INPP4B: variants seen among roughly 807,000 people sequenced by gnomAD.
INPP4B encodes inositol polyphosphate-4-phosphatase type II B.
A neutral mutation model predicts 122.5 loss-of-function variants in INPP4B; 55 were observed. The observed-to-expected ratio is 0.45, with a 90% CI of 0.36 to 0.56. The LOEUF is 0.56. INPP4B is among the 20% of genes least tolerant of loss of function. The pLI is 0.00. For synonymous variants in INPP4B, 403 were observed against 388.7 expected, an observed-to-expected ratio of 1.04 and a Z score of -0.43; for missense variants, 1,000 against 1,097.7, an observed-to-expected ratio of 0.91 and a Z score of 1.26.
intron 5 of INPP4B, chr4:142,423,945 G>A: frequency 3.1e-6 from 1 of 326,704 alleles, no homozygotes; most frequent in Non-Finnish European, 5.9e-6. Flanking sequence ...AGAAATACAA[G>A]ATGGCGGGCC....
intron 2 of INPP4B, among the ~76,000 whole-genome samples, chr4:142,719,652 A>AT (rs1764253790): frequency 1.3e-5 from 2 of 152,244 alleles, no homozygotes; most frequent in South Asian, 4.1e-4. Context: ...TTCTGAAAAA[A>AT]ATGAGATACT....
intron 7 of INPP4B, among the ~76,000 whole-genome samples, chr4:142,346,350 T>A (rs1475907745): frequency 1.3e-5 from 2 of 151,988 alleles, no homozygotes; most frequent in Admixed American, 6.6e-5. Flanking sequence ...TATCACTGCA[T>A]AGTTTAAGGA....
At chr4:142,706,462 C>A (rs1383556961) in intron 2 of INPP4B, among the ~76,000 whole-genome samples, 1 of 152,190 alleles carries the variant, frequency 6.6e-6, no homozygotes. Flanking sequence ...AAAGGAGCAT[C>A]CTGTCCTTTG....
rs537799317 is a variant in INPP4B at position 142,708,630 on chromosome 4, G to A, written c.-191+17209C>T. Among the ~76,000 whole-genome samples, 10 of 152,314 alleles carry A rather than the reference G, an allele frequency of 6.6e-5. No individual in the cohort carries two copies. The South Asian group carries it at 8.3e-4, about 13-fold the overall frequency. Reference sequence around the variant, plus strand: ...TGGCTTCCACATGGTGTTAAGCCACGTGCACAGAGGGCAAGAGTTGAGGCT... The same window carrying A: ...TGGCTTCCACATGGTGTTAAGCCACATGCACAGAGGGCAAGAGTTGAGGCT... On this transcript the variant is annotated intron_variant, in intron 2 of 25. Coordinates refer to ENST00000262992, the MANE Select transcript of INPP4B (RefSeq NM_001101669.3).
intron 1 of INPP4B, among the ~76,000 whole-genome samples, chr4:142,746,839 A>T (rs936028333): frequency 6.6e-6 from 1 of 152,194 alleles, no homozygotes; most frequent in African/African-American, 2.4e-5. Flanking sequence ...CTGAAACTGG[A>T]TCCCTTCCTT....
At chr4:142,176,576 T>C (rs1196070009) in intron 15 of INPP4B, among the ~76,000 whole-genome samples, 1 of 152,202 alleles carries the variant, frequency 6.6e-6, no homozygotes. Flanking sequence ...ATTTCTAATA[T>C]TTATTCTGCA....
chr4:142,283,091 G>A (rs549123845), intron 9 of INPP4B, among the ~76,000 whole-genome samples: 24 of 152,164 alleles, frequency 1.6e-4, no homozygotes, highest in African/African-American at 5.3e-4. Context: ...GGAGAAATTA[G>A]GAGGAAGAGG....
chr4:142,491,603 G>A (rs1448176653), intron 2 of INPP4B, among the ~76,000 whole-genome samples: 1 of 152,222 alleles, frequency 6.6e-6, no homozygotes, highest in Non-Finnish European at 1.5e-5. Context: ...GTTGCAGTGA[G>A]CCAAGATTGT....
At chr4:142,346,875 T>G (rs1780468263) in intron 7 of INPP4B, among the ~76,000 whole-genome samples, 1 of 152,016 alleles carries the variant, frequency 6.6e-6, no homozygotes, top group Admixed American at 6.6e-5. Flanking sequence ...ACACAGGAGT[T>G]AGGGGTTAGT....
chr4:142,526,301 G>C (rs1039055667), intron 2 of INPP4B, among the ~76,000 whole-genome samples: 1 of 152,036 alleles, frequency 6.6e-6, no homozygotes, highest in Non-Finnish European at 1.5e-5. Context: ...ACAAAGAGTA[G>C]AGCAGTAGCC....
At chr4:142,219,033 C>T (rs1021899141) in intron 12 of INPP4B, among the ~76,000 whole-genome samples, 2 of 152,066 alleles carry the variant, frequency 1.3e-5, no homozygotes, top group South Asian at 4.1e-4. Context: ...CCATAAATCA[C>T]GGGCCTATTT....
At chr4:142,530,184 A>C (rs1827425105) in intron 2 of INPP4B, among the ~76,000 whole-genome samples, 1 of 152,070 alleles carries the variant, frequency 6.6e-6, no homozygotes, top group African/African-American at 2.4e-5. Flanking sequence ...ATTGTCAGAA[A>C]TGTCCTGTCT....
chr4:142,481,045 G>T (rs1156865134), intron 2 of INPP4B, among the ~76,000 whole-genome samples: 1 of 144,306 alleles, frequency 6.9e-6, no homozygotes, highest in African/African-American at 2.6e-5. Context: ...TGAGGCAGGA[G>T]AATCACTTGA....
chr4:142,066,999 G>A (rs1410187517), intron 25 of INPP4B, among the ~76,000 whole-genome samples: 2 of 152,216 alleles, frequency 1.3e-5, no homozygotes, highest in African/African-American at 2.4e-5. Flanking sequence ...TGGAGTTTGA[G>A]ATCTGAGAAC....
intron 2 of INPP4B, among the ~76,000 whole-genome samples, chr4:142,520,261 G>A (rs578021583): frequency 1.5e-4 from 23 of 151,888 alleles, no homozygotes; most frequent in Non-Finnish European, 3.1e-4. Context: ...GGTATAAAAG[G>A]TAATCATTAG....
chr4:142,275,536 C>G (rs1362600721), intron 9 of INPP4B, among the ~76,000 whole-genome samples: 1 of 151,764 alleles, frequency 6.6e-6, no homozygotes, highest in African/African-American at 2.4e-5. Context: ...AGTAAACAAA[C>G]AGATTCACTG....
At chr4:142,687,818 C>T (rs750792619) in intron 2 of INPP4B, among the ~76,000 whole-genome samples, 1 of 152,018 alleles carries the variant, frequency 6.6e-6, no homozygotes, top group Non-Finnish European at 1.5e-5. Flanking sequence ...TACGCCTACC[C>T]GGGATCCAAA....
intron 9 of INPP4B, among the ~76,000 whole-genome samples, chr4:142,283,639 G>T (rs1011978275): frequency 7.2e-5 from 11 of 152,068 alleles, no homozygotes; most frequent in African/African-American, 2.7e-4. Context: ...TAACACAATG[G>T]TTAGTACTTG....
At chr4:142,326,754 A>G (rs1201341087) in intron 7 of INPP4B, among the ~76,000 whole-genome samples, 1 of 152,234 alleles carries the variant, frequency 6.6e-6, no homozygotes, top group African/African-American at 2.4e-5. Context: ...AGAATAATGG[A>G]AGCAAAGAAA....
Sources: allele counts gnomAD v4.1 joint callset (sites outside exome capture counted in the v4.1 genomes callset), GRCh38; gene constraint gnomAD v4.1.1; transcripts MANE v1.5; gene names NCBI Gene and HGNC (gene_info 2026-07-23, HGNC 2026-07-21).